PGM3: variants seen among roughly 807,000 people sequenced by gnomAD.
PGM3 encodes the protein phosphoacetylglucosamine mutase.
Under a neutral mutation model 66.2 loss-of-function variants are expected in PGM3, and 40 were observed. That is an observed-to-expected ratio of 0.60 (90% CI 0.47 to 0.79). The LOEUF (loss-of-function observed/expected upper bound fraction) is 0.79. Among genes scored for constraint, PGM3 ranks in the 30% least tolerant of loss-of-function variants. PGM3 has a pLI of 0.00. For synonymous variants in PGM3, 191 were observed against 224.2 expected (o/e 0.85, Z 1.32); for missense variants, 537 against 643.4 (o/e 0.83, Z 1.79).
chr6:83,177,505 T>C (rs565157621), intron 8 of PGM3, among the ~76,000 whole-genome samples: 5 of 152,160 alleles, frequency 3.3e-5, no homozygotes, highest in Admixed American at 6.5e-5. Context: ...GCCAAACTGA[T>C]GTTCAATCAC....
At chr6:83,192,430 TGAG>T (rs1355152869) in intron 1 of PGM3, among the ~76,000 whole-genome samples, 2 of 152,246 alleles carry the variant, frequency 1.3e-5, no homozygotes, top group African/African-American at 4.8e-5. Context: ...AGCCCAGAGA[TGAG>T]GAGCAGTCCG....
At chr6:83,164,807 C>G, downstream of PGM3, 3 of 1,054,700 alleles carry the variant, frequency 2.8e-6, no homozygotes, top group Middle Eastern at 2.1e-4. Context: ...TCAACAAGTA[C>G]AAGGGAGGTA....
downstream of PGM3, chr6:83,158,692 C>A: frequency 9.7e-7 from 1 of 1,026,760 alleles, no homozygotes; most frequent in Non-Finnish European, 1.5e-6. Flanking sequence ...TATTACTCAG[C>A]ATCTAGGAGA....
intron 1 of PGM3, 111 bp from the exon 2 acceptor site, chr6:83,191,125 C>A: frequency 6.8e-7 from 1 of 1,470,086 alleles, no homozygotes; most frequent in South Asian, 1.2e-5. Flanking sequence ...TGAACCTCCT[C>A]AAAGAACCCT....
intron 4 of PGM3, among the ~76,000 whole-genome samples, chr6:83,184,032 A>C (rs927758968): frequency 6.6e-6 from 1 of 152,088 alleles, no homozygotes; most frequent in African/African-American, 2.4e-5. Flanking sequence ...GAATCAATTT[A>C]AAGTGAACCC....
the PGM3 span, chr6:83,154,052 C>T: frequency 1.2e-6 from 2 of 1,613,626 alleles, no homozygotes; most frequent in Non-Finnish European, 1.7e-6. Flanking sequence ...CAGTAAGTTG[C>T]CCTCTTATTT....
At position 83,166,117 on chromosome 6, in the gene PGM3, G is replaced by C. The variant is rs1275122816; in HGVS notation, c.*3117C>G. On this transcript the variant is annotated 3_prime_UTR_variant, in exon 13 of 13. Coordinates refer to ENST00000513973, the MANE Select transcript of PGM3 (RefSeq NM_015599.3). ...TGATTCATTATTGTTGCATAGAATA[G>C]AGAAAATGACACTTCAAAACAACGA... 4.4e-5 allele frequency: 19 copies of C among 430,288 alleles called. No homozygotes were observed. In the Admixed American group the frequency reaches 5.9e-4, roughly 13 times the overall value. The allele number at this position is 430,288 out of a possible 1,614,324, so 26.7% of individuals were successfully genotyped here.
At chr6:83,186,561 T>G (rs1191878686) in intron 4 of PGM3, among the ~76,000 whole-genome samples, 4 of 152,206 alleles carry the variant, frequency 2.6e-5, no homozygotes, top group African/African-American at 9.6e-5. Flanking sequence ...CACTTAATTC[T>G]CTGTCATTTG....
chr6:83,165,242 TTAAG>T lies in PGM3; in HGVS notation c.*3988_*3991del, dbSNP rs1256587537. On this transcript the variant is annotated 3_prime_UTR_variant, in exon 13 of 13. Transcript: ENST00000513973. ...ACTCTCATTGGTGCCAGTGTCATAG[TTAAG>T]AAAGAAAGAAAGAAAGTTTTATATA... 1.3e-5 allele frequency: 2 copies of T among 152,150 alleles called. No homozygotes were observed. Among genetic ancestry groups the T allele is most frequent in the Non-Finnish European group, 2.9e-5 (2 of 68,352 alleles). The allele number at this position is 152,150 out of a possible 1,614,324, so 9.4% of individuals were successfully genotyped here. A position where few individuals can be genotyped will look rare whatever the true frequency, so the allele number is the denominator to read the frequency against.
intron 8 of PGM3, among the ~76,000 whole-genome samples, chr6:83,177,151 CTCAT>C (rs1787832009): frequency 6.6e-6 from 1 of 152,144 alleles, no homozygotes; most frequent in Non-Finnish European, 1.5e-5. Flanking sequence ...CCCTGCTGCC[CTCAT>C]TCACTTTACC....
At chr6:83,150,921 T>G in the PGM3 span, among the ~76,000 whole-genome samples, 1 of 152,268 alleles carries the variant, frequency 6.6e-6, no homozygotes, top group East Asian at 1.9e-4. Context: ...AAACCCAAAT[T>G]AAGAAATAAA....
the PGM3 span, among the ~76,000 whole-genome samples, chr6:83,155,236 A>T: frequency 6.6e-6 from 1 of 151,310 alleles, no homozygotes; most frequent in Admixed American, 6.6e-5. Flanking sequence ...CCAAGGCACT[A>T]GGATTGTTTG....
the PGM3 span, chr6:83,153,610 A>G: frequency 6.3e-7 from 1 of 1,592,868 alleles, no homozygotes; most frequent in Non-Finnish European, 8.6e-7. Flanking sequence ...GCCCTACCTC[A>G]GAAATCACAG....
chr6:83,172,918 T>C (rs1196387391), intron 10 of PGM3, among the ~76,000 whole-genome samples: 1 of 152,238 alleles, frequency 6.6e-6, no homozygotes, highest in Non-Finnish European at 1.5e-5. Flanking sequence ...CAACCACAGA[T>C]TGTCCAACGG....
At chr6:83,193,831 TG>T (rs1361613030), upstream of PGM3, 1 of 152,558 alleles carries the variant, frequency 6.6e-6, no homozygotes, top group Non-Finnish European at 1.5e-5. Flanking sequence ...ACCCTTATCC[TG>T]GGTCCCTCGG....
rs1019772614 is a variant in PGM3, at chr6:83,191,209, G to C, written c.-2-195C>G. On this transcript the variant is annotated intron_variant, in intron 1 of 12. Transcript: ENST00000513973. ...TACCTACAAGATGTTGTCCAACTTG[G>C]TATGTCCACTCCTGGGCAGACTCAG... The C allele has an allele frequency of 1.9e-5, 29 of 1,534,758 alleles. No homozygotes were observed. The highest frequency in any genetic ancestry group is 2.4e-5 in the Non-Finnish European group (28 of 1,146,300).
chr6:83,160,590 C>G (rs1783999775), downstream of PGM3, among the ~76,000 whole-genome samples: 1 of 151,936 alleles, frequency 6.6e-6, no homozygotes, highest in Non-Finnish European at 1.5e-5. Flanking sequence ...CTGGGCAAGC[C>G]TAGAATGAAG....
chr6:83,158,808 C>G (rs1424766873), downstream of PGM3, among the ~76,000 whole-genome samples: 1 of 152,144 alleles, frequency 6.6e-6, no homozygotes, highest in Non-Finnish European at 1.5e-5. Flanking sequence ...ATTAAGCCAT[C>G]AGCATTCATT....
At chr6:83,157,427 G>T, downstream of PGM3, 1 of 1,126,390 alleles carries the variant, frequency 8.9e-7, no homozygotes, top group Non-Finnish European at 1.3e-6. Flanking sequence ...CTGAGCTGTA[G>T]TTAAACCAGT....
Sources: gnomAD v4.1 joint callset for allele counts (sites outside exome capture counted in the v4.1 genomes callset) on GRCh38, gnomAD v4.1.1 for gene constraint, MANE v1.5 for transcripts, NCBI Gene and HGNC (gene_info 2026-07-23, HGNC 2026-07-21) for gene names.